The following MSRB3 variants were observed in gnomAD, a reference collection of about 807,000 sequenced individuals.
MSRB3 encodes the protein methionine sulfoxide reductase B3.
MSRB3 carries 13 observed loss-of-function variants against 21.0 expected under a neutral mutation model. The observed-to-expected ratio is 0.62, with a 90% CI of 0.40 to 0.98. MSRB3 has a LOEUF of 0.98. MSRB3 is among the 50% of genes least tolerant of loss of function. MSRB3 has a pLI of 0.00. For missense variants in MSRB3, 199 were observed against 230.3 expected (o/e 0.86, Z 0.88); for synonymous variants, 87 against 88.6 (o/e 0.98, Z 0.10).
intron 5 of MSRB3, among the ~76,000 whole-genome samples, chr12:65,441,631 G>A (rs905719815): frequency 6.6e-6 from 1 of 151,800 alleles, no homozygotes; most frequent in Non-Finnish European, 1.5e-5. Flanking sequence ...ATTCTAGCTG[G>A]GAAAATAAAG....
chr12:65,432,836 G>A lies in MSRB3; in HGVS notation c.293-20892G>A, dbSNP rs148240743. Among the ~76,000 whole-genome samples, 113 of 151,954 alleles carry A rather than the reference G, an allele frequency of 7.4e-4. 2 individuals are homozygous for A. In the East Asian group the frequency reaches 0.018, roughly 25 times the overall value. ...GTGAGCGTTTTTATGCAGTGGAAAA[G>A]GTCTTTCTCCAGACAAATATTGTAC... On this transcript the variant is annotated intron_variant, in intron 5 of 6. Coordinates refer to ENST00000308259, the MANE Select transcript of MSRB3 (RefSeq NM_001031679.3).
At chr12:65,339,270 A>G (rs1875983926) in intron 4 of MSRB3, among the ~76,000 whole-genome samples, 1 of 152,182 alleles carries the variant, frequency 6.6e-6, no homozygotes, top group South Asian at 2.1e-4. Context: ...CTTCCACTAG[A>G]TGCCAGTAGC....
At chr12:65,412,269 A>G (rs1232519558) in intron 5 of MSRB3, among the ~76,000 whole-genome samples, 4 of 152,162 alleles carry the variant, frequency 2.6e-5, no homozygotes, top group African/African-American at 9.7e-5. Flanking sequence ...ATGTGCAAAA[A>G]CAACCACCCT....
intron 1 of MSRB3, chr12:65,286,714 T>C (rs1404585779): frequency 6.8e-6 from 1 of 147,156 alleles, no homozygotes; most frequent in African/African-American, 2.6e-5. Context: ...GTAGAATCTA[T>C]TAAAAAAAAA....
intron 5 of MSRB3, among the ~76,000 whole-genome samples, chr12:65,423,297 A>G (rs989388639): frequency 2.0e-5 from 3 of 152,116 alleles, no homozygotes; most frequent in Non-Finnish European, 4.4e-5. Flanking sequence ...ATCTGCAAAC[A>G]GGGACAGTTA....
At chr12:65,374,326 A>G (rs1004879442) in intron 5 of MSRB3, among the ~76,000 whole-genome samples, 11 of 152,208 alleles carry the variant, frequency 7.2e-5, no homozygotes, top group Middle Eastern at 3.2e-3. Flanking sequence ...CATTCATCAT[A>G]TATTTACTGG....
chr12:65,377,092 C>T (rs986425651), intron 5 of MSRB3, among the ~76,000 whole-genome samples: 17 of 152,278 alleles, frequency 1.1e-4, no homozygotes, highest in Non-Finnish European at 8.8e-5. Context: ...TCAAACATTA[C>T]TATATCAATT....
chr12:65,385,396 T>A (rs1879153912), intron 5 of MSRB3, among the ~76,000 whole-genome samples: 1 of 152,060 alleles, frequency 6.6e-6, no homozygotes, highest in East Asian at 1.9e-4. Context: ...ATTCCTATTT[T>A]CATAGTTAGG....
At chr12:65,365,518 T>C (rs190891021) in intron 4 of MSRB3, among the ~76,000 whole-genome samples, 1 of 152,306 alleles carries the variant, frequency 6.6e-6, no homozygotes, top group East Asian at 1.9e-4. Flanking sequence ...TTATACGCCA[T>C]GCAGAGGAGT....
At chr12:65,424,706 A>C (rs1881486896) in intron 5 of MSRB3, among the ~76,000 whole-genome samples, 1 of 151,726 alleles carries the variant, frequency 6.6e-6, no homozygotes, top group Admixed American at 6.6e-5. Flanking sequence ...TAAATTTGTT[A>C]AGTTGTGTTT....
chr12:65,394,584 C>T (rs905072845), intron 5 of MSRB3, among the ~76,000 whole-genome samples: 2 of 152,172 alleles, frequency 1.3e-5, no homozygotes, highest in Admixed American at 1.3e-4. Flanking sequence ...CATGTCCCAA[C>T]TCATTCTACA....
chr12:65,452,626 A>G (rs1377446879), intron 5 of MSRB3, among the ~76,000 whole-genome samples: 1 of 152,194 alleles, frequency 6.6e-6, no homozygotes, highest in African/African-American at 2.4e-5. Flanking sequence ...TGTTAAATCT[A>G]GCACTGACTA....
intron 6 of MSRB3, among the ~76,000 whole-genome samples, chr12:65,462,231 GC>G (rs761764900): frequency 3.3e-5 from 5 of 152,074 alleles, no homozygotes; most frequent in Non-Finnish European, 5.9e-5. Flanking sequence ...CATCTCGTTC[GC>G]CCCATCCCTG....
intron 6 of MSRB3, among the ~76,000 whole-genome samples, chr12:65,454,817 AC>A (rs1883017799): frequency 6.6e-6 from 1 of 152,224 alleles, no homozygotes; most frequent in African/African-American, 2.4e-5. Flanking sequence ...TTAATCTGAC[AC>A]CCACAATCGA....
At chr12:65,421,703 C>T (rs1881305742) in intron 5 of MSRB3, among the ~76,000 whole-genome samples, 1 of 152,110 alleles carries the variant, frequency 6.6e-6, no homozygotes, top group Admixed American at 6.6e-5. Context: ...TACCTCCAGA[C>T]CTGCCTTATA....
intron 5 of MSRB3, among the ~76,000 whole-genome samples, chr12:65,408,860 T>C (rs1880563081): frequency 6.6e-6 from 1 of 152,188 alleles, no homozygotes; most frequent in African/African-American, 2.4e-5. Context: ...GGTAAAATAC[T>C]TTCTCATGAG....
intron 5 of MSRB3, among the ~76,000 whole-genome samples, chr12:65,426,643 C>A (rs1246258419): frequency 6.6e-6 from 1 of 152,132 alleles, no homozygotes; most frequent in South Asian, 2.1e-4. Flanking sequence ...CTTTCTGGCT[C>A]TTTGTCTCTT....
intron 5 of MSRB3, among the ~76,000 whole-genome samples, chr12:65,434,562 A>G (rs1457580068): frequency 6.6e-6 from 1 of 151,928 alleles, no homozygotes; most frequent in African/African-American, 2.4e-5. Flanking sequence ...CTTGAAAAAG[A>G]TATTAATAAG....
At chr12:65,360,374 T>C (rs1877632009) in intron 4 of MSRB3, among the ~76,000 whole-genome samples, 1 of 152,034 alleles carries the variant, frequency 6.6e-6, no homozygotes, top group African/African-American at 2.4e-5. Context: ...TGTGGAGATA[T>C]AAATATACAC....
Sources: gnomAD v4.1 joint callset for allele counts (sites outside exome capture counted in the v4.1 genomes callset) on GRCh38, gnomAD v4.1.1 for gene constraint, MANE v1.5 for transcripts, NCBI Gene and HGNC (gene_info 2026-07-23, HGNC 2026-07-21) for gene names.